SLC20A2: variants seen among roughly 807,000 people sequenced by gnomAD.
SLC20A2 encodes solute carrier family 20 member 2.
SLC20A2 carries 30 observed loss-of-function variants against 61.0 expected under a neutral mutation model. That is an observed-to-expected ratio of 0.49 (90% CI 0.37 to 0.67). The LOEUF is 0.67. Among genes scored for constraint, SLC20A2 ranks in the 30% least tolerant of loss-of-function variants. The pLI, the probability that SLC20A2 is intolerant of heterozygous loss-of-function variation, is 0.00. For missense variants in SLC20A2, 626 were observed against 866.4 expected, an observed-to-expected ratio of 0.72 and a Z score of 3.48; for synonymous variants, 351 against 353.3, an observed-to-expected ratio of 0.99 and a Z score of 0.07.
At chr8:42,527,101 C>CT (rs1334306603) in intron 1 of SLC20A2, among the ~76,000 whole-genome samples, 2 of 139,718 alleles carry the variant, frequency 1.4e-5, no homozygotes, top group Non-Finnish European at 3.0e-5. Flanking sequence ...AAGAGCCTGT[C>CT]TCAAAAAAAA....
Position 42,535,655 on chromosome 8 carries a change from T to C in SLC20A2, c.-265+6166A>G, listed in dbSNP as rs1022518291. On this transcript the variant is annotated intron_variant, in intron 1 of 10. Coordinates refer to the SLC20A2 transcript ENST00000342228. The stretch of plus-strand genomic sequence containing the variant: ...ACTGTATTATCTGGTGACTAAATCT[T>C]GGTACCACTGAACCAAATCTAGGCA... 2.0e-5 allele frequency among the ~76,000 whole-genome samples: 3 copies of C among 152,320 alleles called. No homozygotes were observed. The South Asian group carries it at 6.2e-4, about 32-fold the overall frequency.
At chr8:42,447,571 C>G (rs558207906) in intron 5 of SLC20A2, among the ~76,000 whole-genome samples, 5 of 151,160 alleles carry the variant, frequency 3.3e-5, no homozygotes, top group Non-Finnish European at 7.4e-5. Flanking sequence ...CCAGCTACTC[C>G]GGAGGCTGAG....
At chr8:42,515,840 T>C (rs1811293895) in intron 1 of SLC20A2, among the ~76,000 whole-genome samples, 2 of 152,222 alleles carry the variant, frequency 1.3e-5, no homozygotes, top group Admixed American at 6.5e-5. Context: ...GATTTTTATA[T>C]TGTTTCAATT....
intron 1 of SLC20A2, among the ~76,000 whole-genome samples, chr8:42,524,518 T>A (rs1042007684): frequency 6.6e-6 from 1 of 152,162 alleles, no homozygotes; most frequent in African/African-American, 2.4e-5. Context: ...CTGGGCGCTG[T>A]GGCTCACCCC....
rs146587144 is a variant in SLC20A2 at position 42,490,375 on chromosome 8, A to C, written c.-265+10656T>G. ...CACTTTGAGAGGCCGAGGCGGGTGG[A>C]TCACTTGAGGCCAGGAGTTCAAGAC... On this transcript the variant is annotated intron_variant, in intron 1 of 10. Transcript: ENST00000520262. Among the ~76,000 whole-genome samples the C allele has an allele frequency of 1.8e-3, 279 of 152,238 alleles. 4 individuals are homozygous for C. The highest frequency in any genetic ancestry group is 3.4e-3 in the Middle Eastern group (1 of 294).
intron 2 of SLC20A2, among the ~76,000 whole-genome samples, chr8:42,469,528 C>G (rs1187794349): frequency 6.6e-6 from 1 of 152,146 alleles, no homozygotes; most frequent in African/African-American, 2.4e-5. Context: ...TGTTCATGAA[C>G]CCTTCTGTCA....
chr8:42,492,633 G>A (rs1325620391), intron 1 of SLC20A2, among the ~76,000 whole-genome samples: 1 of 151,988 alleles, frequency 6.6e-6, no homozygotes, highest in Non-Finnish European at 1.5e-5. Context: ...CAAAGGCTAG[G>A]CCAAAACATG....
chr8:42,460,227 C>G (rs1036827284), intron 4 of SLC20A2: 4 of 399,776 alleles, frequency 1.0e-5, no homozygotes, highest in Non-Finnish European at 1.9e-5. Context: ...TTGTGGCCAG[C>G]AGACACATTA....
chr8:42,473,690 T>C (rs1807830331), intron 1 of SLC20A2, among the ~76,000 whole-genome samples: 1 of 152,176 alleles, frequency 6.6e-6, no homozygotes, highest in Admixed American at 6.5e-5. Context: ...TGGTATTCTA[T>C]TATTGGAGAG....
chr8:42,517,847 A>G lies in SLC20A2; in HGVS notation c.-265+23974T>C, dbSNP rs562457231. ...TAAGAAATCTGACCAAAACCAAATC[A>G]TGGATTATAAGAATACTTTAGGAAA... On this transcript the variant is annotated intron_variant, in intron 1 of 10. Transcript: ENST00000342228. 2.2e-3 allele frequency among the ~76,000 whole-genome samples: 337 copies of G among 152,342 alleles called. 1 individual carries two copies. Among genetic ancestry groups the G allele is most frequent in the Non-Finnish European group, 2.0e-3 (138 of 68,038 alleles).
intron 8 of SLC20A2, among the ~76,000 whole-genome samples, chr8:42,436,784 GTCTA>G (rs1804298192): frequency 6.6e-6 from 1 of 152,340 alleles, no homozygotes; most frequent in African/African-American, 2.4e-5. Flanking sequence ...CCTGCCCTGT[GTCTA>G]TCTACCTTAC....
chr8:42,478,965 C>A (rs79048845), intron 1 of SLC20A2, among the ~76,000 whole-genome samples: 3,211 of 151,900 alleles, frequency 0.021, 113 homozygotes, highest in African/African-American at 0.073. Context: ...TTCACTCAGT[C>A]GAGCAAGGAT....
chr8:42,517,323 G>A (rs903105931), intron 1 of SLC20A2, among the ~76,000 whole-genome samples: 2 of 150,184 alleles, frequency 1.3e-5, no homozygotes, highest in African/African-American at 2.5e-5. Context: ...GGCCGTGTTC[G>A]TGCCACTGCA....
At chr8:42,530,495 T>C (rs1358306393) in intron 1 of SLC20A2, among the ~76,000 whole-genome samples, 2 of 152,210 alleles carry the variant, frequency 1.3e-5, no homozygotes, top group Non-Finnish European at 1.5e-5. Flanking sequence ...AAAGTAGTCA[T>C]TGCGAAGACC....
chr8:42,493,507 T>G (rs1341952178), intron 1 of SLC20A2, among the ~76,000 whole-genome samples: 1 of 152,232 alleles, frequency 6.6e-6, no homozygotes, highest in East Asian at 1.9e-4. Flanking sequence ...GCTTTGAATT[T>G]AACATTCTGA....
At chr8:42,498,798 C>CT (rs35445850) in intron 1 of SLC20A2, among the ~76,000 whole-genome samples, 335 of 148,360 alleles carry the variant, frequency 2.3e-3, no homozygotes, top group Non-Finnish European at 3.7e-3. Context: ...GATGTGATCA[C>CT]TGAGCATCCG....
At chr8:42,489,250 T>C (rs1463400299) in intron 1 of SLC20A2, among the ~76,000 whole-genome samples, 1 of 152,168 alleles carries the variant, frequency 6.6e-6, no homozygotes, top group African/African-American at 2.4e-5. Flanking sequence ...GGTTCTTTTT[T>C]TATTTTATAA....
intron 1 of SLC20A2, among the ~76,000 whole-genome samples, chr8:42,491,905 G>A (rs1809544563): frequency 6.6e-6 from 1 of 152,110 alleles, no homozygotes; most frequent in Non-Finnish European, 1.5e-5. Flanking sequence ...GAGAGCTTTG[G>A]GACTTAACTC....
chr8:42,470,013 T>A (rs943205799), intron 2 of SLC20A2, among the ~76,000 whole-genome samples: 4 of 144,758 alleles, frequency 2.8e-5, no homozygotes, highest in Non-Finnish European at 5.9e-5. Context: ...TTTTCCTGAC[T>A]AGAAAAATCT....
Sources: gnomAD v4.1 joint callset for allele counts (sites outside exome capture counted in the v4.1 genomes callset) on GRCh38, gnomAD v4.1.1 for gene constraint, MANE v1.5 for transcripts, NCBI Gene and HGNC (gene_info 2026-07-23, HGNC 2026-07-21) for gene names.